Variants in PTPN4 observed in about 807,000 individuals in gnomAD.
PTPN4 encodes tyrosine-protein phosphatase non-receptor type 4.
PTPN4 carries 49 observed loss-of-function variants against 135.5 expected under a neutral mutation model. That is an observed-to-expected ratio of 0.36 (90% CI 0.29 to 0.46). The LOEUF is 0.46. PTPN4 is among the 20% of genes least tolerant of loss of function. The pLI is 1.00. For missense variants in PTPN4, 860 were observed against 1,101.0 expected, an observed-to-expected ratio of 0.78 and a Z score of 3.10; for synonymous variants, 333 against 369.9, an observed-to-expected ratio of 0.90 and a Z score of 1.14.
At chr2:119,822,044 C>G (rs1177892441) in intron 2 of PTPN4, among the ~76,000 whole-genome samples, 1 of 151,974 alleles carries the variant, frequency 6.6e-6, no homozygotes, top group Non-Finnish European at 1.5e-5. Flanking sequence ...CAATATGACA[C>G]TCTTTTGCTT....
At chr2:119,783,949 GA>G (rs1027717360) in intron 1 of PTPN4, among the ~76,000 whole-genome samples, 2 of 152,156 alleles carry the variant, frequency 1.3e-5, no homozygotes, top group Admixed American at 6.5e-5. Context: ...GGAGGTGGGG[GA>G]TCCACTTCGC....
intron 18 of PTPN4, among the ~76,000 whole-genome samples, chr2:119,951,744 C>G (rs574741565): frequency 1.9e-4 from 29 of 152,138 alleles, no homozygotes; most frequent in South Asian, 1.7e-3. Context: ...ATTTGTAGGT[C>G]TAGGCACATA....
chr2:119,845,791 T>C (rs1296058623), intron 2 of PTPN4, among the ~76,000 whole-genome samples: 4 of 151,910 alleles, frequency 2.6e-5, no homozygotes, highest in African/African-American at 9.7e-5. Flanking sequence ...TAAAAGATTC[T>C]TTATATGAGA....
intron 13 of PTPN4, among the ~76,000 whole-genome samples, chr2:119,931,269 G>T (rs999961701): frequency 3.3e-5 from 5 of 151,844 alleles, no homozygotes; most frequent in African/African-American, 7.2e-5. Flanking sequence ...GGCATTTAAA[G>T]AAATAACATA....
intron 2 of PTPN4, among the ~76,000 whole-genome samples, chr2:119,861,762 A>G (rs989032017): frequency 2.6e-5 from 4 of 151,902 alleles, no homozygotes; most frequent in South Asian, 2.1e-4. Flanking sequence ...TATATTTTTT[A>G]TTGGAGGGGG....
rs1347512803 is a variant in PTPN4 at position 119,978,364 on chromosome 2, G to A, written c.*1294G>A. 6.6e-6 allele frequency: 1 copy of A among 152,032 alleles called. No homozygotes were observed. The highest frequency in any genetic ancestry group is 1.5e-5 in the Non-Finnish European group (1 of 67,990). 9.4% of individuals were successfully genotyped at this position (152,032 alleles called of 1,614,324 possible). ...ATATATTGATTGGGATTCTTCAAACGAAGAATGAAACATTATTGACTTATT... is the reference window on the plus strand; with the variant it reads ...ATATATTGATTGGGATTCTTCAAACAAAGAATGAAACATTATTGACTTATT... On this transcript the variant is annotated 3_prime_UTR_variant, in exon 27 of 27. Coordinates refer to ENST00000263708, the MANE Select transcript of PTPN4 (RefSeq NM_002830.4).
rs139567104 is a variant in PTPN4 at position 119,763,435 on chromosome 2, T to C, written c.-18+3051T>C. On this transcript the variant is annotated intron_variant, in intron 1 of 26. Coordinates refer to ENST00000263708, the MANE Select transcript of PTPN4 (RefSeq NM_002830.4). The stretch of plus-strand genomic sequence containing the variant: ...TTATTGTCTGTTAAGTGTCAGATCC[T>C]GTATAAGGGGCTTTTCATGTTGTCC... 2.5e-3 allele frequency among the ~76,000 whole-genome samples: 378 copies of C among 152,240 alleles called. 1 individual carries two copies. Among genetic ancestry groups the C allele is most frequent in the African/African-American group, 8.9e-3 (369 of 41,560 alleles).
intron 2 of PTPN4, among the ~76,000 whole-genome samples, chr2:119,844,376 C>T (rs868810710): frequency 1.8e-4 from 24 of 134,430 alleles, no homozygotes; most frequent in Middle Eastern, 7.9e-3. Context: ...CCCTCCCGGA[C>T]GGGGTGGCTG....
chr2:119,847,235 C>A (rs1424776680), intron 2 of PTPN4, among the ~76,000 whole-genome samples: 3 of 136,008 alleles, frequency 2.2e-5, no homozygotes, highest in African/African-American at 8.2e-5. Flanking sequence ...ACTATTTATA[C>A]TATAATAAAT....
chr2:119,837,622 C>T (rs1677315184), intron 2 of PTPN4, among the ~76,000 whole-genome samples: 1 of 152,236 alleles, frequency 6.6e-6, no homozygotes, highest in Admixed American at 6.5e-5. Flanking sequence ...AACACGCCCC[C>T]TGCTCGCCAT....
At chr2:119,806,514 C>T (rs1691472314) in intron 1 of PTPN4, among the ~76,000 whole-genome samples, 1 of 152,152 alleles carries the variant, frequency 6.6e-6, no homozygotes, top group Non-Finnish European at 1.5e-5. Context: ...ATCAATTCAA[C>T]AAGAAGAGCT....
chr2:119,955,595 C>T (rs1176646349), intron 20 of PTPN4, among the ~76,000 whole-genome samples: 1 of 152,044 alleles, frequency 6.6e-6, no homozygotes, highest in Admixed American at 6.5e-5. Context: ...AGTTAAATAG[C>T]TGTTTTTTTG....
At chr2:119,772,782 A>G (rs1381501501) in intron 1 of PTPN4, among the ~76,000 whole-genome samples, 1 of 152,056 alleles carries the variant, frequency 6.6e-6, no homozygotes, top group Non-Finnish European at 1.5e-5. Context: ...CAAGTGATCC[A>G]CCTGCCTCGG....
At chr2:119,965,218 T>A (rs1679428366) in intron 24 of PTPN4, among the ~76,000 whole-genome samples, 1 of 152,082 alleles carries the variant, frequency 6.6e-6, no homozygotes, top group Admixed American at 6.5e-5. Flanking sequence ...AAAGGGGAAA[T>A]CTAACATTTC....
At chr2:119,846,053 G>A (rs931368551) in intron 2 of PTPN4, among the ~76,000 whole-genome samples, 1 of 152,186 alleles carries the variant, frequency 6.6e-6, no homozygotes, top group Non-Finnish European at 1.5e-5. Flanking sequence ...TGGAGAATAT[G>A]TTGGGTATTA....
At chr2:119,956,738 A>T in intron 20 of PTPN4, 106 bp from the exon 21 acceptor site, 1 of 1,555,018 alleles carries the variant, frequency 6.4e-7, no homozygotes, top group Non-Finnish European at 8.6e-7. Flanking sequence ...GACCTATTCA[A>T]AGGCAAAGAA....
In PTPN4 at chr2:119,956,824, C is replaced by T. The variant is rs1679294601; in HGVS notation, c.1981-20C>T. On this transcript the variant is annotated intron_variant, in intron 20 of 26. Coordinates refer to ENST00000263708, the MANE Select transcript of PTPN4 (RefSeq NM_002830.4). ...GTTTATGGCTTTTGTTGGAATTGTA[C>T]CTTTTTTTTTTTTTTTTAGCAACTG... 6.4e-7 allele frequency: 1 copy of T among 1,556,340 alleles called. No individual in the cohort carries two copies. Among genetic ancestry groups the T allele is most frequent in the Non-Finnish European group, 8.7e-7 (1 of 1,154,654 alleles).
At chr2:119,767,149 T>C (rs1477451119) in intron 1 of PTPN4, among the ~76,000 whole-genome samples, 1 of 152,224 alleles carries the variant, frequency 6.6e-6, no homozygotes, top group Non-Finnish European at 1.5e-5. Context: ...CGTGCTTGGC[T>C]CAGTAAGGCC....
chr2:119,831,766 A>G (rs1677223119), intron 2 of PTPN4, among the ~76,000 whole-genome samples: 2 of 152,174 alleles, frequency 1.3e-5, no homozygotes, highest in East Asian at 1.9e-4. Flanking sequence ...TTGAGACAAC[A>G]TATATCTGGG....
Sources: gnomAD v4.1 joint callset for allele counts (sites outside exome capture counted in the v4.1 genomes callset) on GRCh38, gnomAD v4.1.1 for gene constraint, MANE v1.5 for transcripts, NCBI Gene and HGNC (gene_info 2026-07-23, HGNC 2026-07-21) for gene names.